Variants in USH2A observed in about 807,000 individuals in gnomAD.
USH2A encodes usherin.
Under a neutral mutation model 538.9 loss-of-function variants are expected in USH2A, and 443 were observed. That is an observed-to-expected ratio of 0.82 (90% CI 0.76 to 0.89). The LOEUF (loss-of-function observed/expected upper bound fraction) is 0.89, where lower values mean the gene tolerates loss of function less well. USH2A is among the 40% of genes least tolerant of loss of function. The probability of loss-of-function intolerance (pLI) is 0.00; values close to 1 mark genes in which losing one functional copy is unlikely to be tolerated. For missense variants in USH2A, 6,633 were observed against 6,324.8 expected (o/e 1.05, Z -1.65); for synonymous variants, 2,413 against 2,273.5 (o/e 1.06, Z -1.75).
At position 215,878,919 on chromosome 1, in the gene USH2A, C is replaced by T. The variant is rs1571773784; in HGVS notation, c.8403G>A (p.Gly2801=). 1.9e-6 allele frequency: 3 copies of T among 1,613,944 alleles called. No homozygotes were observed. Among genetic ancestry groups the T allele is most frequent in the Non-Finnish European group, 1.7e-6 (2 of 1,179,960 alleles). ...VTIVACSGGN[G]YLGGCTESLP... ...AACTCTCTGTGCACCCTCCAAGGTA[C>T]CCATTACCCCCTGAGCAAGCAACAA... The change falls in exon 42 of 72, where the codon GGG becomes GGA. Residue 2801 remains glycine (G), a synonymous_variant. Transcript: ENST00000307340.
At chr1:216,158,149 T>C (rs1394309165) in intron 21 of USH2A, among the ~76,000 whole-genome samples, 1 of 152,284 alleles carries the variant, frequency 6.6e-6, no homozygotes, top group South Asian at 2.1e-4. Flanking sequence ...TGATAGAAAT[T>C]TGGATTGTTA....
chr1:216,309,709 G>A (rs2037385509), intron 9 of USH2A, among the ~76,000 whole-genome samples: 1 of 152,008 alleles, frequency 6.6e-6, no homozygotes, highest in Non-Finnish European at 1.5e-5. Flanking sequence ...ATTAAGTTGA[G>A]TATGTTCTCC....
intron 3 of USH2A, among the ~76,000 whole-genome samples, chr1:216,370,699 A>AAAAAAAAAAAAAAAAAC (rs2038696721): frequency 1.3e-5 from 2 of 150,360 alleles, no homozygotes; most frequent in Non-Finnish European, 3.0e-5. Context: ...AAAAAAAAAA[A>AAAAAAAAAAAAAAAAAC]AAATACTCAA....
chr1:215,844,184 C>G, intron 46 of USH2A, 110 bp downstream of exon 46: 1 of 1,178,860 alleles, frequency 8.5e-7, no homozygotes, highest in Non-Finnish European at 1.2e-6. Flanking sequence ...CCCTTCCCCA[C>G]CAAAGAAATA....
intron 60 of USH2A, among the ~76,000 whole-genome samples, chr1:215,736,019 C>T (rs983119991): frequency 1.3e-5 from 2 of 152,096 alleles, no homozygotes; most frequent in African/African-American, 2.4e-5. Flanking sequence ...TTAGGGAACA[C>T]AGTGACTTGC....
chr1:216,399,857 T>C (rs142776515), intron 3 of USH2A, among the ~76,000 whole-genome samples: 100 of 152,236 alleles, frequency 6.6e-4, no homozygotes, highest in African/African-American at 2.3e-3. Flanking sequence ...TGCTGGATGA[T>C]GTTGGCAGTG....
intron 11 of USH2A, among the ~76,000 whole-genome samples, chr1:216,261,449 C>CA (rs200708104): frequency 0.093 from 7,514 of 81,056 alleles, 346 homozygotes; most frequent in Middle Eastern, 0.23. Context: ...ATTCTATATC[C>CA]AAAAAAAAAA....
chr1:216,357,343 T>G (rs918077304), intron 4 of USH2A, among the ~76,000 whole-genome samples: 2 of 152,136 alleles, frequency 1.3e-5, no homozygotes, highest in African/African-American at 4.8e-5. Flanking sequence ...CTAAGCTTTT[T>G]TTAAATCTAA....
At chr1:215,824,785 G>A (rs1019535238) in intron 47 of USH2A, among the ~76,000 whole-genome samples, 2 of 152,198 alleles carry the variant, frequency 1.3e-5, no homozygotes, top group Admixed American at 6.5e-5. Context: ...CACTTCAATC[G>A]CACTTTTCCA....
intron 35 of USH2A, among the ~76,000 whole-genome samples, chr1:215,976,848 C>G (rs1163034503): frequency 6.6e-6 from 1 of 152,008 alleles, no homozygotes; most frequent in African/African-American, 2.4e-5. Flanking sequence ...GTTTTGCTAT[C>G]AGAGAGATGC....
intron 30 of USH2A, among the ~76,000 whole-genome samples, chr1:216,060,234 C>A (rs996502067): frequency 6.6e-6 from 1 of 152,104 alleles, no homozygotes; most frequent in African/African-American, 2.4e-5. Flanking sequence ...AATACTAGCC[C>A]AGATGTACAG....
chr1:215,697,623 G>A (rs1043871921), intron 61 of USH2A, among the ~76,000 whole-genome samples: 3 of 152,118 alleles, frequency 2.0e-5, no homozygotes, highest in African/African-American at 7.2e-5. Flanking sequence ...CCGGGTTCAA[G>A]CAATTCTCCT....
At chr1:215,822,419 G>A (rs573561401) in intron 47 of USH2A, among the ~76,000 whole-genome samples, 12 of 151,752 alleles carry the variant, frequency 7.9e-5, no homozygotes, top group Non-Finnish European at 1.8e-4. Flanking sequence ...TTTCTTTTCA[G>A]ATTGCTTGCT....
intron 47 of USH2A, 114 bp from the exon 48 acceptor site, chr1:215,817,309 A>G: frequency 2.1e-6 from 1 of 484,792 alleles, no homozygotes; most frequent in South Asian, 5.7e-5. Context: ...ATAATTATAT[A>G]TGTTTATATA....
chr1:215,886,264 T>A (rs985276805), intron 41 of USH2A, among the ~76,000 whole-genome samples: 9 of 152,238 alleles, frequency 5.9e-5, no homozygotes, highest in African/African-American at 1.9e-4. Context: ...TATTTGCAAT[T>A]TGGACTTTTA....
At chr1:215,940,950 G>C (rs750395922) in intron 37 of USH2A, among the ~76,000 whole-genome samples, 2 of 151,258 alleles carry the variant, frequency 1.3e-5, no homozygotes, top group Admixed American at 1.3e-4. Flanking sequence ...TATAGATATC[G>C]AGAATCTTTA....
chr1:216,149,240 G>C (rs1359803752), intron 21 of USH2A, among the ~76,000 whole-genome samples: 1 of 152,084 alleles, frequency 6.6e-6, no homozygotes, highest in African/African-American at 2.4e-5. Flanking sequence ...AAAATAAGTA[G>C]AGGCCTTTCC....
At chr1:215,889,672 T>TGA (rs1665160099) in intron 40 of USH2A, among the ~76,000 whole-genome samples, 1 of 152,194 alleles carries the variant, frequency 6.6e-6, no homozygotes, top group Admixed American at 6.5e-5. Flanking sequence ...TGCACAGATC[T>TGA]GACCTTTAGG....
At chr1:215,945,213 A>G (rs1666729276) in intron 37 of USH2A, among the ~76,000 whole-genome samples, 1 of 152,122 alleles carries the variant, frequency 6.6e-6, no homozygotes, top group Non-Finnish European at 1.5e-5. Flanking sequence ...GGCCTCATTG[A>G]GGAACAACTT....
Sources: gnomAD v4.1 joint callset for allele counts (sites outside exome capture counted in the v4.1 genomes callset) on GRCh38, gnomAD v4.1.1 for gene constraint, MANE v1.5 for transcripts, NCBI Gene and HGNC (gene_info 2026-07-23, HGNC 2026-07-21) for gene names.